Variants in MAGI2 observed in about 807,000 individuals in gnomAD.
The protein encoded by MAGI2 is membrane associated guanylate kinase, WW and PDZ domain containing 2.
Under a neutral mutation model 133.3 loss-of-function variants are expected in MAGI2, and 35 were observed. That is an observed-to-expected ratio of 0.26 (90% confidence interval 0.20 to 0.35). MAGI2 has a LOEUF of 0.35. Ranked by LOEUF, MAGI2 falls within the 10% of genes least tolerant of loss-of-function variation. The pLI is 1.00. For synonymous variants in MAGI2, 729 were observed against 710.6 expected, an observed-to-expected ratio of 1.03 and a Z score of -0.41; for missense variants, 1,636 against 1,863.4, an observed-to-expected ratio of 0.88 and a Z score of 2.25.
chr7:78,317,808 C>T (rs1787580993), intron 9 of MAGI2, among the ~76,000 whole-genome samples: 1 of 152,174 alleles, frequency 6.6e-6, no homozygotes. Flanking sequence ...CAGCAATCTT[C>T]GCTGTTCTGT....
At chr7:79,160,837 C>G (rs1344012144) in intron 1 of MAGI2, among the ~76,000 whole-genome samples, 1 of 151,984 alleles carries the variant, frequency 6.6e-6, no homozygotes, top group Non-Finnish European at 1.5e-5. Flanking sequence ...ATCAAATATG[C>G]CTATTACCCA....
At chr7:78,376,225 CCA>C (rs1794437504) in intron 6 of MAGI2, among the ~76,000 whole-genome samples, 1 of 151,974 alleles carries the variant, frequency 6.6e-6, no homozygotes, top group Non-Finnish European at 1.5e-5. Context: ...AACAACTAAA[CCA>C]AAACCAAAGA....
intron 2 of MAGI2, among the ~76,000 whole-genome samples, chr7:78,676,099 G>A (rs1410027962): frequency 6.6e-6 from 1 of 152,110 alleles, no homozygotes; most frequent in Admixed American, 6.6e-5. Flanking sequence ...GTAATAAGAA[G>A]TATATGCAAT....
chr7:79,041,565 G>A (rs1340035205), intron 1 of MAGI2, among the ~76,000 whole-genome samples: 1 of 152,022 alleles, frequency 6.6e-6, no homozygotes, highest in Non-Finnish European at 1.5e-5. Flanking sequence ...TATCACATTA[G>A]TATAAAAGTA....
chr7:79,245,131 C>T (rs191984084), intron 1 of MAGI2, among the ~76,000 whole-genome samples: 63 of 152,300 alleles, frequency 4.1e-4, no homozygotes, highest in Non-Finnish European at 7.9e-4. Context: ...AATACCCAGG[C>T]AGTACTCACA....
chr7:78,302,762 A>T (rs1797938582), intron 9 of MAGI2, among the ~76,000 whole-genome samples: 1 of 152,074 alleles, frequency 6.6e-6, no homozygotes, highest in Non-Finnish European at 1.5e-5. Context: ...TAAAACTCTT[A>T]ATTCCTACTC....
At chr7:78,436,792 T>A (rs1800331895) in intron 6 of MAGI2, among the ~76,000 whole-genome samples, 1 of 152,062 alleles carries the variant, frequency 6.6e-6, no homozygotes, top group African/African-American at 2.4e-5. Context: ...CCCAGCCGCA[T>A]CCCCAAGCTG....
chr7:78,474,151 A>G (rs1192480028), intron 6 of MAGI2, among the ~76,000 whole-genome samples: 1 of 148,936 alleles, frequency 6.7e-6, no homozygotes, highest in African/African-American at 2.5e-5. Context: ...CTATAAGATT[A>G]AACCAATGGG....
intron 4 of MAGI2, among the ~76,000 whole-genome samples, chr7:78,512,540 G>A (rs555239223): frequency 2.8e-4 from 43 of 152,254 alleles, no homozygotes; most frequent in African/African-American, 1.0e-3. Context: ...CGAGTAACTG[G>A]GACTACAGGG....
chr7:79,198,880 C>T (rs1828337995), intron 1 of MAGI2, among the ~76,000 whole-genome samples: 1 of 151,722 alleles, frequency 6.6e-6, no homozygotes, highest in African/African-American at 2.4e-5. Context: ...AGAATGAGAC[C>T]CTGTCTCAAA....
intron 6 of MAGI2, among the ~76,000 whole-genome samples, chr7:78,435,585 C>T (rs139373967): frequency 6.6e-6 from 1 of 152,222 alleles, no homozygotes; most frequent in Non-Finnish European, 1.5e-5. Flanking sequence ...CTGAGAACTG[C>T]AAGCAGAAGT....
intron 2 of MAGI2, among the ~76,000 whole-genome samples, chr7:78,628,536 A>C (rs1808617513): frequency 6.6e-6 from 1 of 152,118 alleles, no homozygotes; most frequent in South Asian, 2.1e-4. Context: ...ATAATATGCC[A>C]GGGAAATTTG....
intron 6 of MAGI2, among the ~76,000 whole-genome samples, chr7:78,461,383 CGTGTGTGTGCGTGTGTGTGT>C (rs1388992200): frequency 1.1e-5 from 1 of 92,658 alleles, no homozygotes; most frequent in Non-Finnish European, 2.2e-5. Context: ...TTCCTGGACA[CGTGTGTGTGCGTGTGTGTGT>C]GTGTGTGTGT....
chr7:78,823,792 G>C (rs1790375441), intron 2 of MAGI2, among the ~76,000 whole-genome samples: 1 of 152,078 alleles, frequency 6.6e-6, no homozygotes, highest in African/African-American at 2.4e-5. Flanking sequence ...AAATTTTCTA[G>C]TGGCAAATAA....
At chr7:78,265,154 C>T (rs898090487) in intron 9 of MAGI2, among the ~76,000 whole-genome samples, 1 of 151,876 alleles carries the variant, frequency 6.6e-6, no homozygotes, top group African/African-American at 2.4e-5. Context: ...ATTAGTCCAA[C>T]GATGTATTTA....
chr7:78,734,206 C>T (rs1051448505), intron 2 of MAGI2, among the ~76,000 whole-genome samples: 3 of 152,136 alleles, frequency 2.0e-5, no homozygotes, highest in Non-Finnish European at 4.4e-5. Context: ...TCAAATATAG[C>T]AGCATGTGAT....
At chr7:78,529,626 ATTTT>A (rs1030644397) in intron 3 of MAGI2, among the ~76,000 whole-genome samples, 2 of 122,258 alleles carry the variant, frequency 1.6e-5, no homozygotes, top group African/African-American at 6.1e-5. Context: ...TGGAATTTAA[ATTTT>A]TTTGTTTTTG....
intron 2 of MAGI2, among the ~76,000 whole-genome samples, chr7:78,665,597 T>C (rs1204624252): frequency 2.6e-5 from 4 of 152,148 alleles, no homozygotes; most frequent in Non-Finnish European, 5.9e-5. Context: ...TTGAAAACTA[T>C]GCTGTTTGGC....
At chr7:78,955,527 G>A (rs1320403823) in intron 2 of MAGI2, among the ~76,000 whole-genome samples, 2 of 151,958 alleles carry the variant, frequency 1.3e-5, no homozygotes, top group Non-Finnish European at 2.9e-5. Context: ...CCCTTCTTTG[G>A]TGAAAACATC....
Sources: gnomAD v4.1 joint callset for allele counts (sites outside exome capture counted in the v4.1 genomes callset) on GRCh38, gnomAD v4.1.1 for gene constraint, MANE v1.5 for transcripts, NCBI Gene and HGNC (gene_info 2026-07-23, HGNC 2026-07-21) for gene names.